The following PKHD1 variants were observed in gnomAD, a reference collection of about 807,000 sequenced individuals.
PKHD1 encodes the protein fibrocystin.
In PKHD1, 291 loss-of-function variants were observed where a neutral mutation model predicts 412.0. That is an observed-to-expected ratio of 0.71 (90% CI 0.64 to 0.78). PKHD1 has a LOEUF of 0.78. PKHD1 is among the 30% of genes least tolerant of loss of function. The pLI, the probability that PKHD1 is intolerant of heterozygous loss-of-function variation, is 0.00. For synonymous variants in PKHD1, 1,777 were observed against 1,821.5 expected, an observed-to-expected ratio of 0.98 and a Z score of 0.62; for missense variants, 4,825 against 4,950.7, an observed-to-expected ratio of 0.97 and a Z score of 0.76.
chr6:51,909,396 T>G lies in PKHD1; in HGVS notation c.6569A>C (p.Gln2190Pro). Residue 2190 changes from glutamine to proline, a missense_variant, in exon 40 of 67, where the codon CAG (glutamine) becomes CCG (proline). Physicochemically the swap from Gln to Pro is moderately conservative, Grantham distance 76. Transcript: ENST00000371117. ...CTGGCTGGGCTCTTCTGGGAAGGAC[T>G]GAACGATCACTCTGGCTCCCATATC... Reference protein sequence around the residue: ...SRDMGARVIVQSFPEEPSQVQ... With the variant: ...SRDMGARVIVPSFPEEPSQVQ... 1 of 1,613,460 alleles carries G rather than the reference T, an allele frequency of 6.2e-7. No individual in the cohort carries two copies. The highest frequency in any genetic ancestry group is 2.2e-5 in the East Asian group (1 of 44,860).
chr6:51,880,909 T>A (rs1181900572), intron 46 of PKHD1, among the ~76,000 whole-genome samples: 1 of 145,706 alleles, frequency 6.9e-6, no homozygotes, highest in Non-Finnish European at 1.5e-5. Context: ...GAGCTTGCAG[T>A]GAGCCAAGAT....
chr6:52,038,940 GA>G (rs1310313433), intron 27 of PKHD1, among the ~76,000 whole-genome samples: 2 of 152,112 alleles, frequency 1.3e-5, no homozygotes, highest in African/African-American at 4.8e-5. Context: ...TTTAAAAAGT[GA>G]AAAGGCAACT....
At position 52,014,884 on chromosome 6, in the gene PKHD1, G is replaced by A. The variant is rs140697754; in HGVS notation, c.5600+2526C>T. 5.4e-3 allele frequency among the ~76,000 whole-genome samples: 819 copies of A among 152,224 alleles called. 7 individuals are homozygous for A. Among genetic ancestry groups the A allele is most frequent in the African/African-American group, 0.019 (790 of 41,542 alleles). On this transcript the variant is annotated intron_variant, in intron 34 of 66. Coordinates refer to ENST00000371117, the MANE Select transcript of PKHD1 (RefSeq NM_138694.4). ...AGATGCACTTCTCCCTTTGCCAAAT[G>A]ACATCAAACCCCATAGATGTTGTGG...
At chr6:51,683,461 C>A (rs1183951327) in intron 60 of PKHD1, among the ~76,000 whole-genome samples, 1 of 152,000 alleles carries the variant, frequency 6.6e-6, no homozygotes. Context: ...ACAACAAACA[C>A]AATATATAGG....
intron 52 of PKHD1, among the ~76,000 whole-genome samples, chr6:51,802,892 A>G (rs1763154859): frequency 6.6e-6 from 1 of 151,168 alleles, no homozygotes; most frequent in East Asian, 1.9e-4. Context: ...TAAGTTCTCA[A>G]TTGTTTCTTC....
rs545830792 is a variant in PKHD1 at position 51,708,826 on chromosome 6, T to A, written c.10156+35559A>T. On this transcript the variant is annotated intron_variant, in intron 60 of 66. Transcript: ENST00000371117. The stretch of plus-strand genomic sequence containing the variant: ...CCCATAGGGCCAATTTGCCCATGGC[T>A]TGTTATGAAACAGCCCTCAGGCTAA... 5.1e-4 allele frequency among the ~76,000 whole-genome samples: 78 copies of A among 152,324 alleles called. 1 individual carries two copies. In the South Asian group the frequency reaches 0.016, roughly 30 times the overall value.
rs1383229711 is a variant in PKHD1, at chr6:51,616,850, CAG to C, written c.*2229_*2230del. The C allele has an allele frequency of 1.0e-5, 4 of 392,302 alleles. No individual in the cohort carries two copies. Among genetic ancestry groups the C allele is most frequent in the Non-Finnish European group, 1.8e-5 (4 of 222,426 alleles). 24.3% of individuals were successfully genotyped at this position (392,302 alleles called of 1,614,324 possible). On this transcript the variant is annotated 3_prime_UTR_variant, in exon 67 of 67. Transcript: ENST00000371117. ...AAGGGTAAAGAAGGGGCAGAAATAA[CAG>C]AGCTGGCAGCTAACTCTTTGTGAAG... is the stretch of plus-strand genomic sequence containing the variant.
At chr6:52,070,704 A>G (rs1336878806) in intron 9 of PKHD1, among the ~76,000 whole-genome samples, 3 of 152,206 alleles carry the variant, frequency 2.0e-5, no homozygotes, top group Admixed American at 2.0e-4. Flanking sequence ...CATAGCAGGG[A>G]AGAGCCCAGG....
At chr6:51,692,261 T>TCACACACACACACACA (rs3061680) in intron 60 of PKHD1, among the ~76,000 whole-genome samples, 202 of 147,528 alleles carry the variant, frequency 1.4e-3, no homozygotes, top group African/African-American at 3.1e-3. Context: ...ATCACATAAT[T>TCACACACACACACACA]CACACACACA....
At position 51,888,052 on chromosome 6, in the gene PKHD1, A is replaced by G. The variant is rs141423852; in HGVS notation, c.6997-807T>C. On this transcript the variant is annotated intron_variant, in intron 43 of 66. Coordinates refer to ENST00000371117, the MANE Select transcript of PKHD1 (RefSeq NM_138694.4). ...TGTACCTTGAAGTCAAGCCTACACA[A>G]TGTGTTCTCTCTGGCTCTTTGAACA... 7.0e-3 allele frequency among the ~76,000 whole-genome samples: 1,059 copies of G among 152,344 alleles called. 3 individuals are homozygous for G. The highest frequency in any genetic ancestry group is 9.9e-3 in the Non-Finnish European group (676 of 68,036).
At chr6:52,010,769 A>G (rs1450133661) in intron 34 of PKHD1, among the ~76,000 whole-genome samples, 1 of 152,214 alleles carries the variant, frequency 6.6e-6, no homozygotes, top group Non-Finnish European at 1.5e-5. Context: ...TGCAGGGACA[A>G]TACTTCCAGT....
intron 60 of PKHD1, among the ~76,000 whole-genome samples, chr6:51,723,209 G>T (rs1032376943): frequency 1.3e-5 from 2 of 152,090 alleles, no homozygotes; most frequent in Admixed American, 6.6e-5. Context: ...TTTTGCTCTT[G>T]GGACCTCTGT....
At chr6:51,733,627 T>G (rs950590665) in intron 60 of PKHD1, among the ~76,000 whole-genome samples, 4 of 151,898 alleles carry the variant, frequency 2.6e-5, no homozygotes, top group South Asian at 2.1e-4. Flanking sequence ...AGTGAAGAAC[T>G]AAAAAAATGT....
At position 52,082,334 on chromosome 6, in the gene PKHD1, C is replaced by T. The variant is rs1812159996; in HGVS notation, c.281+58G>A. 14 of 1,561,932 alleles carry T rather than the reference C, an allele frequency of 9.0e-6. No individual in the cohort carries two copies. The South Asian group carries it at 1.3e-4, about 15-fold the overall frequency. ...TGCTCTAATATGTCACCAAAAGATACTGAGATAAGCAAAAATCCCTCATCC... is the reference window on the plus strand; with the variant it reads ...TGCTCTAATATGTCACCAAAAGATATTGAGATAAGCAAAAATCCCTCATCC... On this transcript the variant is annotated intron_variant, in intron 4 of 66. Coordinates refer to ENST00000371117, the MANE Select transcript of PKHD1 (RefSeq NM_138694.4).
chr6:52,011,680 T>C (rs2894793), intron 34 of PKHD1, among the ~76,000 whole-genome samples: 1 of 152,220 alleles, frequency 6.6e-6, no homozygotes, highest in East Asian at 1.9e-4. Flanking sequence ...AATGTTTTCT[T>C]CCACAATTTT....
intron 35 of PKHD1, among the ~76,000 whole-genome samples, chr6:51,973,523 TC>T (rs1793962979): frequency 6.6e-6 from 1 of 152,176 alleles, no homozygotes; most frequent in Non-Finnish European, 1.5e-5. Context: ...CACAGTTTTT[TC>T]CCAGGAAGTC....
At chr6:51,698,958 A>C (rs1451043635) in intron 60 of PKHD1, among the ~76,000 whole-genome samples, 1 of 152,184 alleles carries the variant, frequency 6.6e-6, no homozygotes, top group East Asian at 1.9e-4. Flanking sequence ...TCCACCTCTC[A>C]GATAACTATA....
intron 46 of PKHD1, among the ~76,000 whole-genome samples, chr6:51,874,364 T>A (rs972890374): frequency 4.6e-5 from 7 of 152,184 alleles, no homozygotes; most frequent in Non-Finnish European, 8.8e-5. Context: ...CAAACTAGGA[T>A]ATATCGTCAT....
chr6:51,855,724 T>A (rs1773180899), intron 49 of PKHD1, among the ~76,000 whole-genome samples, 169 bp downstream of exon 49: 1 of 152,250 alleles, frequency 6.6e-6, no homozygotes, highest in Non-Finnish European at 1.5e-5. Flanking sequence ...ATATTTAGCT[T>A]ATATTCATCT....
Sources: gnomAD v4.1 joint callset for allele counts (sites outside exome capture counted in the v4.1 genomes callset) on GRCh38, gnomAD v4.1.1 for gene constraint, MANE v1.5 for transcripts, NCBI Gene and HGNC (gene_info 2026-07-23, HGNC 2026-07-21) for gene names.